EPHA6: variants seen among roughly 807,000 people sequenced by gnomAD.
The protein encoded by EPHA6 is EPH receptor A6.
Under a neutral mutation model 112.0 loss-of-function variants are expected in EPHA6, and 50 were observed. The ratio of observed to expected loss-of-function variants is 0.45; its 90% CI spans 0.36 to 0.56. EPHA6 has a LOEUF of 0.56. Among genes scored for constraint, EPHA6 ranks in the 20% least tolerant of loss-of-function variants. The pLI is 0.00. For missense variants in EPHA6, 1,280 were observed against 1,417.4 expected (o/e 0.90, Z 1.56); for synonymous variants, 529 against 490.7 (o/e 1.08, Z -1.03).
intron 5 of EPHA6, among the ~76,000 whole-genome samples, chr3:97,385,956 A>T (rs1207644497): frequency 6.6e-6 from 1 of 152,110 alleles, no homozygotes. Flanking sequence ...CCAACATTTA[A>T]GATTACAATT....
At chr3:97,641,424 G>C (rs2094002540) in intron 14 of EPHA6, among the ~76,000 whole-genome samples, 1 of 152,160 alleles carries the variant, frequency 6.6e-6, no homozygotes, top group Non-Finnish European at 1.5e-5. Context: ...TATATGAAAA[G>C]GGTGGGGGAG....
intron 14 of EPHA6, among the ~76,000 whole-genome samples, chr3:97,672,830 T>C (rs1019078720): frequency 6.6e-6 from 1 of 152,242 alleles, no homozygotes; most frequent in African/African-American, 2.4e-5. Flanking sequence ...TTCCTTGCTC[T>C]AAAAAGTTGA....
intron 2 of EPHA6, among the ~76,000 whole-genome samples, chr3:96,950,602 T>C (rs1044168541): frequency 1.3e-5 from 2 of 152,130 alleles, no homozygotes; most frequent in African/African-American, 2.4e-5. Context: ...AAATCATCAT[T>C]ATTCATGGGT....
intron 16 of EPHA6, among the ~76,000 whole-genome samples, chr3:97,740,112 T>G (rs1472264739): frequency 6.6e-6 from 1 of 152,048 alleles, no homozygotes; most frequent in East Asian, 1.9e-4. Context: ...CTTTGTAGCT[T>G]GATAGCTACA....
Position 97,199,040 on chromosome 3 carries a change from A to G in EPHA6, c.1115-27224A>G, listed in dbSNP as rs571933026. On this transcript the variant is annotated intron_variant, in intron 3 of 17. Coordinates refer to ENST00000389672, the MANE Select transcript of EPHA6 (RefSeq NM_001080448.3). ...CAGTTGACCAGGGTGAACTGGCCAAATAGAACACCAAGTACCTTGAATGTA... is the reference window on the plus strand; with the variant it reads ...CAGTTGACCAGGGTGAACTGGCCAAGTAGAACACCAAGTACCTTGAATGTA... Among the ~76,000 whole-genome samples the G allele has an allele frequency of 7.9e-5, 12 of 152,264 alleles. No individual in the cohort carries two copies. The East Asian group carries it at 1.2e-3, about 15-fold the overall frequency.
chr3:97,015,293 A>C (rs1269348968), intron 3 of EPHA6, among the ~76,000 whole-genome samples: 1 of 152,222 alleles, frequency 6.6e-6, no homozygotes, highest in Non-Finnish European at 1.5e-5. Flanking sequence ...GTATAAAGTA[A>C]CAACTTAAAA....
At chr3:97,223,506 G>A (rs138298428) in intron 3 of EPHA6, among the ~76,000 whole-genome samples, 3 of 152,310 alleles carry the variant, frequency 2.0e-5, no homozygotes, top group Non-Finnish European at 4.4e-5. Context: ...AGTGTGGCTA[G>A]AGCGAAGTAT....
At chr3:97,106,779 A>G (rs1463679803) in intron 3 of EPHA6, among the ~76,000 whole-genome samples, 1 of 152,136 alleles carries the variant, frequency 6.6e-6, no homozygotes, top group Non-Finnish European at 1.5e-5. Flanking sequence ...CGGAGCCCCA[A>G]AACCTGCCTG....
At chr3:96,912,601 GT>G (rs1360575689) in intron 2 of EPHA6, among the ~76,000 whole-genome samples, 1 of 152,102 alleles carries the variant, frequency 6.6e-6, no homozygotes, top group Non-Finnish European at 1.5e-5. Context: ...TATTTTCTTT[GT>G]TTTGAAAAGG....
intron 4 of EPHA6, among the ~76,000 whole-genome samples, chr3:97,232,908 A>G (rs72924437): frequency 0.17 from 26,506 of 152,016 alleles, 5,460 homozygotes; most frequent in African/African-American, 0.48. Flanking sequence ...TACTGAAGTT[A>G]TGCACATGTT....
chr3:97,029,053 A>G (rs185373679), intron 3 of EPHA6, among the ~76,000 whole-genome samples: 31 of 151,756 alleles, frequency 2.0e-4, no homozygotes, highest in Admixed American at 1.8e-3. Flanking sequence ...ACTTAAGTAT[A>G]TCAAAATTGG....
At chr3:97,533,580 G>T (rs550172566) in intron 11 of EPHA6, among the ~76,000 whole-genome samples, 1 of 152,000 alleles carries the variant, frequency 6.6e-6, no homozygotes, top group Non-Finnish European at 1.5e-5. Flanking sequence ...TGTTCATGTC[G>T]TTGTGTAGTT....
At chr3:96,825,766 T>A (rs1222184281) in intron 1 of EPHA6, among the ~76,000 whole-genome samples, 1 of 151,926 alleles carries the variant, frequency 6.6e-6, no homozygotes, top group Non-Finnish European at 1.5e-5. Context: ...ACTTTTAGAA[T>A]GTCAAAAGGC....
At chr3:97,155,220 A>C (rs1401577934) in intron 3 of EPHA6, among the ~76,000 whole-genome samples, 1 of 152,188 alleles carries the variant, frequency 6.6e-6, no homozygotes. Flanking sequence ...TCTATTTTAC[A>C]ATACTAAATG....
chr3:97,179,654 A>G (rs1231075759), intron 3 of EPHA6, among the ~76,000 whole-genome samples: 1 of 151,766 alleles, frequency 6.6e-6, no homozygotes, highest in Non-Finnish European at 1.5e-5. Context: ...AAGGTCCAGG[A>G]GAATTCTCTG....
chr3:97,130,213 A>C (rs2108324814), intron 3 of EPHA6, among the ~76,000 whole-genome samples: 1 of 152,098 alleles, frequency 6.6e-6, no homozygotes, highest in South Asian at 2.1e-4. Flanking sequence ...TGGATTATGC[A>C]CATGTCTACA....
In EPHA6 at chr3:97,332,858, A is replaced by G. The variant is rs145380558; in HGVS notation, c.1607-72292A>G. On this transcript the variant is annotated intron_variant, in intron 5 of 17. Transcript: ENST00000389672. The stretch of plus-strand genomic sequence containing the variant: ...CCTTCAATACTACACTGTCTGGTTT[A>G]CTTTACTACAAAGTAAGGCTTAATA... Among the ~76,000 whole-genome samples, 397 of 152,220 alleles carry G rather than the reference A, an allele frequency of 2.6e-3. 1 individual carries two copies. The highest frequency in any genetic ancestry group is 3.8e-3 in the Non-Finnish European group (259 of 68,010).
intron 7 of EPHA6, among the ~76,000 whole-genome samples, chr3:97,458,013 A>G (rs2090752762): frequency 7.6e-6 from 1 of 131,696 alleles, no homozygotes; most frequent in Non-Finnish European, 1.6e-5. Context: ...GCTTGCAGTG[A>G]GCCGAGATCG....
intron 11 of EPHA6, among the ~76,000 whole-genome samples, chr3:97,565,735 T>C (rs1458465248): frequency 6.6e-6 from 1 of 152,054 alleles, no homozygotes; most frequent in Non-Finnish European, 1.5e-5. Context: ...AAAAGAGATT[T>C]AGGCCGGGCG....
Sources: gnomAD v4.1 joint callset for allele counts (sites outside exome capture counted in the v4.1 genomes callset) on GRCh38, gnomAD v4.1.1 for gene constraint, MANE v1.5 for transcripts, NCBI Gene and HGNC (gene_info 2026-07-23, HGNC 2026-07-21) for gene names.